The following ANKS1B variants were observed in gnomAD, a reference collection of about 807,000 sequenced individuals.
ANKS1B encodes the protein ankyrin repeat and sterile alpha motif domain-containing protein 1B.
Under a neutral mutation model 148.3 loss-of-function variants are expected in ANKS1B, and 36 were observed. The ratio of observed to expected loss-of-function variants is 0.24; its 90% confidence interval spans 0.19 to 0.32. The LOEUF is 0.32. Ranked by LOEUF, ANKS1B falls within the 10% of genes least tolerant of loss-of-function variation. The probability of loss-of-function intolerance (pLI) is 1.00; values close to 1 mark genes in which losing one functional copy is unlikely to be tolerated. For synonymous variants in ANKS1B, 542 were observed against 560.8 expected, an observed-to-expected ratio of 0.97 and a Z score of 0.47; for missense variants, 1,157 against 1,542.6, an observed-to-expected ratio of 0.75 and a Z score of 4.19.
At chr12:98,867,265 A>T (rs175638) in intron 17 of ANKS1B, among the ~76,000 whole-genome samples, 3 of 152,154 alleles carry the variant, frequency 2.0e-5, no homozygotes, top group East Asian at 3.9e-4. Flanking sequence ...TCACATCTCA[A>T]GGAAAGACTC....
chr12:99,243,892 A>G (rs552841120), intron 14 of ANKS1B, among the ~76,000 whole-genome samples: 15 of 152,276 alleles, frequency 9.9e-5, no homozygotes, highest in African/African-American at 3.4e-4. Context: ...TGGGGGAGGG[A>G]TAGCATTAGG....
chr12:99,270,792 G>A (rs745761253), intron 12 of ANKS1B, among the ~76,000 whole-genome samples: 3 of 152,010 alleles, frequency 2.0e-5, no homozygotes, highest in Admixed American at 6.6e-5. Flanking sequence ...GAATATTGTC[G>A]AACCATACAG....
intron 8 of ANKS1B, among the ~76,000 whole-genome samples, chr12:99,752,890 G>T (rs6538936): frequency 0.44 from 66,336 of 151,662 alleles, 14,901 homozygotes; most frequent in South Asian, 0.61. Flanking sequence ...AATAATGTAA[G>T]AGGTAAAATA....
intron 12 of ANKS1B, among the ~76,000 whole-genome samples, chr12:99,362,358 C>A (rs73372047): frequency 6.6e-6 from 1 of 151,856 alleles, no homozygotes; most frequent in Non-Finnish European, 1.5e-5. Context: ...AAAGATCCTA[C>A]GAGAGGGGTT....
intron 14 of ANKS1B, among the ~76,000 whole-genome samples, chr12:99,187,692 A>G (rs1205888796): frequency 1.3e-5 from 2 of 152,200 alleles, no homozygotes; most frequent in Non-Finnish European, 2.9e-5. Flanking sequence ...TCCTGAAGGA[A>G]GCACTAAACA....
chr12:99,594,203 A>G (rs575566762), intron 9 of ANKS1B, among the ~76,000 whole-genome samples: 1 of 152,244 alleles, frequency 6.6e-6, no homozygotes, highest in African/African-American at 2.4e-5. Context: ...TACTACAGAT[A>G]AAACTGAAGT....
At chr12:99,413,844 G>C (rs2094802244) in intron 11 of ANKS1B, among the ~76,000 whole-genome samples, 1 of 152,144 alleles carries the variant, frequency 6.6e-6, no homozygotes, top group African/African-American at 2.4e-5. Flanking sequence ...ACTGTCCAAA[G>C]CAGCTCTTCT....
At chr12:98,769,617 A>C (rs1038176521) in intron 25 of ANKS1B, among the ~76,000 whole-genome samples, 1 of 152,148 alleles carries the variant, frequency 6.6e-6, no homozygotes, top group African/African-American at 2.4e-5. Context: ...TCTTCCCCCA[A>C]CATTTCACCT....
chr12:99,292,216 G>C (rs1425972805), intron 12 of ANKS1B, among the ~76,000 whole-genome samples: 1 of 151,960 alleles, frequency 6.6e-6, no homozygotes, highest in African/African-American at 2.4e-5. Flanking sequence ...AGATTGGCTG[G>C]GCATGGTGGC....
chr12:99,083,345 A>G (rs2050501871), intron 16 of ANKS1B, among the ~76,000 whole-genome samples: 1 of 152,166 alleles, frequency 6.6e-6, no homozygotes, highest in Non-Finnish European at 1.5e-5. Flanking sequence ...CCTGCCTCCA[A>G]TCTGCCCCAC....
intron 8 of ANKS1B, among the ~76,000 whole-genome samples, chr12:99,756,602 A>T (rs945477527): frequency 1.3e-5 from 2 of 152,128 alleles, no homozygotes; most frequent in African/African-American, 4.8e-5. Flanking sequence ...GAACCAAAAA[A>T]GAACCAAAAT....
At position 98,781,108 on chromosome 12, in the gene ANKS1B, G is replaced by A. The variant is rs1344390266; in HGVS notation, c.3441+9C>T. On this transcript the variant is annotated intron_variant, in intron 24 of 26. Transcript: ENST00000683438. ...TGGTGTCTAAACCAGAGAGAGGAGT[G>A]GTACTTACCTTATTTGTTGCATCAA... 1.3e-6 allele frequency: 2 copies of A among 1,522,928 alleles called. No homozygotes were observed. Among genetic ancestry groups the A allele is most frequent in the East Asian group, 4.7e-5 (2 of 42,500 alleles). 94.3% of individuals were successfully genotyped at this position (1,522,928 alleles called of 1,614,324 possible). A position where few individuals can be genotyped will look rare whatever the true frequency, so the allele number is the denominator to read the frequency against.
chr12:98,787,964 G>A (rs1377720986), intron 22 of ANKS1B, among the ~76,000 whole-genome samples: 2 of 150,806 alleles, frequency 1.3e-5, no homozygotes, highest in African/African-American at 2.4e-5. Context: ...AGGAAGCACA[G>A]TGCCAGCCTC....
chr12:99,902,435 T>A (rs547404946), intron 1 of ANKS1B, among the ~76,000 whole-genome samples: 2 of 152,132 alleles, frequency 1.3e-5, no homozygotes, highest in Non-Finnish European at 2.9e-5. Context: ...GGGAAGAAAT[T>A]GAGATTTCAT....
intron 12 of ANKS1B, among the ~76,000 whole-genome samples, chr12:99,277,217 T>G (rs2153994743): frequency 6.6e-6 from 1 of 152,366 alleles, no homozygotes; most frequent in South Asian, 2.1e-4. Context: ...TGCCATGTAG[T>G]TCTTAGTAAA....
chr12:99,196,776 C>T (rs1360464578), intron 14 of ANKS1B, among the ~76,000 whole-genome samples: 1 of 152,042 alleles, frequency 6.6e-6, no homozygotes, highest in Non-Finnish European at 1.5e-5. Flanking sequence ...CCTCTCCCCT[C>T]CCCCAAGCTT....
chr12:99,537,820 G>T (rs775168139), intron 9 of ANKS1B, among the ~76,000 whole-genome samples: 6 of 152,052 alleles, frequency 3.9e-5, no homozygotes, highest in Non-Finnish European at 7.4e-5. Context: ...TATTGCTCAA[G>T]AAATTTTTGC....
chr12:99,721,111 G>C (rs917816908), intron 8 of ANKS1B, among the ~76,000 whole-genome samples: 4 of 152,054 alleles, frequency 2.6e-5, no homozygotes, highest in Admixed American at 1.3e-4. Context: ...AATGACAAAT[G>C]TTTCTTCTAA....
intron 22 of ANKS1B, among the ~76,000 whole-genome samples, chr12:98,798,496 A>G (rs1028859236): frequency 6.6e-6 from 1 of 152,080 alleles, no homozygotes; most frequent in African/African-American, 2.4e-5. Context: ...AAAAATAAAA[A>G]AAAAAAACTG....
Sources: allele counts gnomAD v4.1 joint callset (sites outside exome capture counted in the v4.1 genomes callset), GRCh38; gene constraint gnomAD v4.1.1; transcripts MANE v1.5; gene names NCBI Gene and HGNC (gene_info 2026-07-23, HGNC 2026-07-21).